CSNK2A2IP: variants seen among roughly 807,000 people sequenced by gnomAD.
CSNK2A2IP encodes casein kinase II subunit alpha'-interacting protein.
At chr3:88,340,791 T>C in the CSNK2A2IP span, among the ~76,000 whole-genome samples, 1 of 152,106 alleles carries the variant, frequency 6.6e-6, no homozygotes, top group East Asian at 1.9e-4. Flanking sequence ...AGCTTTATCT[T>C]GGGTTTACAT....
the CSNK2A2IP span, among the ~76,000 whole-genome samples, chr3:88,378,848 T>C: frequency 6.6e-6 from 1 of 152,062 alleles, no homozygotes; most frequent in Non-Finnish European, 1.5e-5. Context: ...GTTATGTAAC[T>C]GAATGAATGG....
the CSNK2A2IP span, among the ~76,000 whole-genome samples, chr3:88,451,512 CA>C: frequency 1.3e-5 from 2 of 151,568 alleles, no homozygotes; most frequent in African/African-American, 4.8e-5. Flanking sequence ...GCAATGAACT[CA>C]ATAACCTCAG....
At chr3:88,446,088 T>C in the CSNK2A2IP span, among the ~76,000 whole-genome samples, 2 of 140,632 alleles carry the variant, frequency 1.4e-5, no homozygotes, top group Non-Finnish European at 3.2e-5. Flanking sequence ...CTTTCTTTCT[T>C]TCTTTCTTTC....
At chr3:88,434,117 G>T in the CSNK2A2IP span, among the ~76,000 whole-genome samples, 2 of 152,072 alleles carry the variant, frequency 1.3e-5, no homozygotes, top group African/African-American at 4.8e-5. Context: ...GTAGACTTGG[G>T]GGCATGGAGG....
the CSNK2A2IP span, among the ~76,000 whole-genome samples, chr3:88,394,782 A>T: frequency 1.3e-5 from 2 of 152,112 alleles, no homozygotes; most frequent in African/African-American, 2.4e-5. Context: ...TGGAGTGTTG[A>T]TTGGATTATT....
the CSNK2A2IP span, among the ~76,000 whole-genome samples, chr3:88,408,891 T>C: frequency 1.3e-5 from 2 of 151,902 alleles, no homozygotes; most frequent in African/African-American, 4.8e-5. Flanking sequence ...ATACACACAT[T>C]TATCATAACT....
the CSNK2A2IP span, among the ~76,000 whole-genome samples, chr3:88,398,237 T>C: frequency 6.6e-6 from 1 of 152,162 alleles, no homozygotes; most frequent in Non-Finnish European, 1.5e-5. Context: ...TGGCCCATTG[T>C]TGAACCCATT....
At chr3:88,366,874 G>C in the CSNK2A2IP span, among the ~76,000 whole-genome samples, 1 of 152,122 alleles carries the variant, frequency 6.6e-6, no homozygotes, top group African/African-American at 2.4e-5. Flanking sequence ...TCACAATCAT[G>C]GCTGAAGGCG....
At chr3:88,367,082 A>G in the CSNK2A2IP span, among the ~76,000 whole-genome samples, 1 of 152,120 alleles carries the variant, frequency 6.6e-6, no homozygotes, top group Non-Finnish European at 1.5e-5. Context: ...ACAATTTAAG[A>G]TGAGATTTGG....
At chr3:88,375,767 C>T in the CSNK2A2IP span, among the ~76,000 whole-genome samples, 1 of 151,644 alleles carries the variant, frequency 6.6e-6, no homozygotes, top group African/African-American at 2.4e-5. Context: ...ATAACTTTTC[C>T]AAAATTATTC....
the CSNK2A2IP span, chr3:88,382,775 G>C: frequency 2.0e-5 from 3 of 152,142 alleles, no homozygotes; most frequent in Non-Finnish European, 4.4e-5. Context: ...CTGGCCTTTG[G>C]AAGTTCATAC....
chr3:88,353,944 A>G, the CSNK2A2IP span, among the ~76,000 whole-genome samples: 1 of 152,196 alleles, frequency 6.6e-6, no homozygotes, highest in Admixed American at 6.5e-5. Flanking sequence ...TGTTTGGGTC[A>G]TGTGGGTGGA....
the CSNK2A2IP span, among the ~76,000 whole-genome samples, chr3:88,454,607 T>C: frequency 6.6e-6 from 1 of 151,954 alleles, no homozygotes; most frequent in African/African-American, 2.4e-5. Flanking sequence ...CTTTGAGGTA[T>C]GAATCACATT....
the CSNK2A2IP span, among the ~76,000 whole-genome samples, chr3:88,355,615 A>G: frequency 6.6e-6 from 1 of 152,132 alleles, no homozygotes; most frequent in South Asian, 2.1e-4. Context: ...AATACTTTCT[A>G]ATTTCTCTTT....
chr3:88,397,231 C>T, the CSNK2A2IP span, among the ~76,000 whole-genome samples: 1 of 152,136 alleles, frequency 6.6e-6, no homozygotes, highest in Admixed American at 6.5e-5. Flanking sequence ...CTTGTTCTTC[C>T]TCTTTCTACT....
At chr3:88,427,568 C>T in the CSNK2A2IP span, among the ~76,000 whole-genome samples, 2 of 152,160 alleles carry the variant, frequency 1.3e-5, no homozygotes, top group Non-Finnish European at 2.9e-5. Context: ...ATGCTCAGTG[C>T]ACTGATGCTT....
At chr3:88,339,133 C>T in the CSNK2A2IP span, among the ~76,000 whole-genome samples, 2 of 152,132 alleles carry the variant, frequency 1.3e-5, no homozygotes, top group African/African-American at 2.4e-5. Flanking sequence ...TTCTATTGTG[C>T]TATAGAACAC....
chr3:88,460,510 T>C, the CSNK2A2IP span, among the ~76,000 whole-genome samples: 2 of 152,374 alleles, frequency 1.3e-5, no homozygotes, highest in African/African-American at 2.4e-5. Flanking sequence ...CTTGGTTTAC[T>C]CTTTAATGTT....
chr3:88,376,886 ACT>A, the CSNK2A2IP span, among the ~76,000 whole-genome samples: 8 of 151,054 alleles, frequency 5.3e-5, no homozygotes, highest in African/African-American at 1.9e-4. Flanking sequence ...AGCACTCAAT[ACT>A]CTTGTTGGTC....
Sources: gnomAD v4.1 joint callset for allele counts (sites outside exome capture counted in the v4.1 genomes callset) on GRCh38, gnomAD v4.1.1 for gene constraint, MANE v1.5 for transcripts, NCBI Gene and HGNC (gene_info 2026-07-23, HGNC 2026-07-21) for gene names.